Variants in CMIP observed in about 807,000 individuals in gnomAD.
The protein encoded by CMIP is c-Maf inducing protein.
A neutral mutation model predicts 97.3 loss-of-function variants in CMIP; 13 were observed. That is an observed-to-expected ratio of 0.13 (90% confidence interval 0.09 to 0.21). The LOEUF (loss-of-function observed/expected upper bound fraction) is 0.21, where lower values mean the gene tolerates loss of function less well. CMIP is among the 10% of genes least tolerant of loss of function. CMIP has a pLI of 1.00. For synonymous variants in CMIP, 538 were observed against 436.3 expected, an observed-to-expected ratio of 1.23 and a Z score of -2.91; for missense variants, 847 against 1,024.9, an observed-to-expected ratio of 0.83 and a Z score of 2.37.
Position 81,555,833 on chromosome 16 carries a change from T to C in CMIP, c.301-51734T>C, listed in dbSNP as rs1263185138. ...GTCTGCCCTGGTTGGGGGAGACTGA[T>C]TCCTGCCAAGTGATTTTTCTCCCTG... On this transcript the variant is annotated intron_variant, in intron 1 of 20. Transcript: ENST00000537098. Among the ~76,000 whole-genome samples, 3 of 152,190 alleles carry C rather than the reference T, an allele frequency of 2.0e-5. No individual in the cohort carries two copies. In the East Asian group the frequency reaches 5.8e-4, roughly 29 times the overall value.
Position 81,696,766 on chromosome 16 carries a change from C to T in CMIP, c.1638+99C>T, listed in dbSNP as rs549389845. On this transcript the variant is annotated intron_variant, in intron 14 of 20. Transcript: ENST00000537098. Reference sequence around the variant, plus strand: ...GTCCCCCATCCCCTGGGGCCAGCCCCGGAGTTTCCCGGCTAACACAGTGCT... The same window carrying T: ...GTCCCCCATCCCCTGGGGCCAGCCCTGGAGTTTCCCGGCTAACACAGTGCT... 16 of 1,116,276 alleles carry T rather than the reference C, an allele frequency of 1.4e-5. No homozygotes were observed. The East Asian group carries it at 1.5e-4, about 11-fold the overall frequency. The allele number at this position is 1,116,276 out of a possible 1,614,324, so 69.1% of individuals were successfully genotyped here. A position where few individuals can be genotyped will look rare whatever the true frequency, so the allele number is the denominator to read the frequency against.
chr16:81,446,872 A>C (rs371389856), intron 1 of CMIP, among the ~76,000 whole-genome samples: 3 of 123,842 alleles, frequency 2.4e-5, no homozygotes, highest in Non-Finnish European at 4.8e-5. Flanking sequence ...AGAGCGTTGC[A>C]GCCCTCGAGG....
rs1908762451 is a variant in CMIP at position 81,711,423 on chromosome 16, C to T, written c.*1624C>T. 3.3e-5 allele frequency: 5 copies of T among 151,636 alleles called. No homozygotes were observed. The highest frequency in any genetic ancestry group is 1.9e-4 in the East Asian group (1 of 5,176). The allele number at this position is 151,636 out of a possible 1,614,324, so 9.4% of individuals were successfully genotyped here. ...TGGGTTCCAGTCTTAATTCATTTTC[C>T]GTGCCAGGTTTTATTTCGTGTGTGT... On this transcript the variant is annotated 3_prime_UTR_variant, in exon 21 of 21. Transcript: ENST00000537098.
intron 1 of CMIP, among the ~76,000 whole-genome samples, chr16:81,540,415 G>C (rs1242006887): frequency 6.6e-6 from 1 of 152,108 alleles, no homozygotes; most frequent in Non-Finnish European, 1.5e-5. Context: ...TGATTCTCCT[G>C]CCTCAGCCTC....
intron 1 of CMIP, among the ~76,000 whole-genome samples, chr16:81,490,624 G>A (rs1460390677): frequency 2.6e-5 from 4 of 152,116 alleles, no homozygotes; most frequent in Admixed American, 6.5e-5. Context: ...TCTCAAAAAC[G>A]AAAAACCAAA....
chr16:81,475,490 AT>A (rs55674732), intron 1 of CMIP, among the ~76,000 whole-genome samples: 2,385 of 150,696 alleles, frequency 0.016, 55 homozygotes, highest in African/African-American at 0.053. Flanking sequence ...TGTTTCCTAG[AT>A]TTTTTTTTTG....
At chr16:81,580,971 C>T (rs1597112571) in intron 1 of CMIP, among the ~76,000 whole-genome samples, 1 of 149,740 alleles carries the variant, frequency 6.7e-6, no homozygotes, top group Admixed American at 6.6e-5. Context: ...CCATCAATTT[C>T]TGTCTTTTTG....
chr16:81,525,619 A>T (rs1415546163), intron 1 of CMIP, among the ~76,000 whole-genome samples: 1 of 152,356 alleles, frequency 6.6e-6, no homozygotes. Context: ...CTGGGAGTAC[A>T]GATGTGTGCC....
rs191655230 is a variant in CMIP at position 81,495,951 on chromosome 16, C to G, written c.300+50410C>G. 2.8e-3 allele frequency among the ~76,000 whole-genome samples: 426 copies of G among 152,326 alleles called. 2 individuals are homozygous for G. Among genetic ancestry groups the G allele is most frequent in the Non-Finnish European group, 3.7e-3 (252 of 68,036 alleles). ...CCAGCTCCCCCAGCTCCCCCAGCTCCGAGACTTGCAGGAGCAGAGAAAGAG... is the reference window on the plus strand; with the variant it reads ...CCAGCTCCCCCAGCTCCCCCAGCTCGGAGACTTGCAGGAGCAGAGAAAGAG... On this transcript the variant is annotated intron_variant, in intron 1 of 20. Transcript: ENST00000537098.
At chr16:81,695,412 A>G (rs1317398933) in intron 13 of CMIP, 1 of 152,278 alleles carries the variant, frequency 6.6e-6, no homozygotes, top group Non-Finnish European at 1.5e-5. Context: ...TCAGAGGGAA[A>G]AATAAAAGCC....
intron 1 of CMIP, among the ~76,000 whole-genome samples, chr16:81,554,651 A>G (rs1040933977): frequency 5.9e-5 from 9 of 152,030 alleles, no homozygotes; most frequent in African/African-American, 2.2e-4. Context: ...CATTTTCTTC[A>G]TTCACCGCTG....
intron 1 of CMIP, among the ~76,000 whole-genome samples, chr16:81,596,355 A>C (rs936799081): frequency 2.0e-5 from 3 of 152,062 alleles, no homozygotes; most frequent in Non-Finnish European, 4.4e-5. Flanking sequence ...AAAGTACAGA[A>C]ATTAGCTGTC....
intron 1 of CMIP, among the ~76,000 whole-genome samples, chr16:81,600,781 A>G (rs550665534): frequency 1.6e-3 from 237 of 152,294 alleles, no homozygotes; most frequent in Non-Finnish European, 1.8e-3. Context: ...CAGCCAGGGG[A>G]GGTGGGGACT....
At chr16:81,542,734 CTCT>C (rs1203548010) in intron 1 of CMIP, among the ~76,000 whole-genome samples, 5 of 152,074 alleles carry the variant, frequency 3.3e-5, no homozygotes, top group African/African-American at 1.2e-4. Flanking sequence ...ACTCTGGCCT[CTCT>C]TCTTATGAGG....
chr16:81,657,255 C>T (rs533856090), intron 4 of CMIP, among the ~76,000 whole-genome samples: 63 of 152,278 alleles, frequency 4.1e-4, no homozygotes, highest in Non-Finnish European at 7.6e-4. Flanking sequence ...TAAAACATCT[C>T]GGGCCCACTC....
intron 1 of CMIP, among the ~76,000 whole-genome samples, chr16:81,514,398 C>G (rs1286253319): frequency 6.6e-6 from 1 of 152,200 alleles, no homozygotes; most frequent in African/African-American, 2.4e-5. Context: ...AGGAACGAGG[C>G]TAACTTGGGG....
chr16:81,626,118 C>T (rs1049140319), intron 3 of CMIP, among the ~76,000 whole-genome samples: 1 of 152,236 alleles, frequency 6.6e-6, no homozygotes, highest in Non-Finnish European at 1.5e-5. Flanking sequence ...GGCCACAGCC[C>T]CTCGATCACC....
chr16:81,587,441 G>A (rs1490384703), intron 1 of CMIP, among the ~76,000 whole-genome samples: 1 of 152,182 alleles, frequency 6.6e-6, no homozygotes, highest in Non-Finnish European at 1.5e-5. Context: ...CCCAGTGGGG[G>A]GCCGGTTTCA....
At chr16:81,499,223 C>A (rs1245825131) in intron 1 of CMIP, among the ~76,000 whole-genome samples, 1 of 151,994 alleles carries the variant, frequency 6.6e-6, no homozygotes, top group Non-Finnish European at 1.5e-5. Flanking sequence ...ATGGCCACAC[C>A]CCCTCACCGT....
Sources: allele counts gnomAD v4.1 joint callset (sites outside exome capture counted in the v4.1 genomes callset), GRCh38; gene constraint gnomAD v4.1.1; transcripts MANE v1.5; gene names NCBI Gene and HGNC (gene_info 2026-07-23, HGNC 2026-07-21).